MIB2: variants seen among roughly 807,000 people sequenced by gnomAD.
MIB2 encodes the protein MIB E3 ubiquitin protein ligase 2.
MIB2 carries 78 observed loss-of-function variants against 96.6 expected under a neutral mutation model. That is an observed-to-expected ratio of 0.81 (90% confidence interval 0.67 to 0.97). The LOEUF is 0.97. Among genes scored for constraint, MIB2 ranks in the 50% least tolerant of loss-of-function variants. The pLI is 0.00. For missense variants in MIB2, 1,543 were observed against 1,424.0 expected (o/e 1.08, Z -1.35); for synonymous variants, 820 against 629.5 (o/e 1.30, Z -4.53).
Position 1,627,429 on chromosome 1 carries a change from A to G in MIB2, c.1508A>G (p.His503Arg), listed in dbSNP as rs1383707916. 1.2e-6 allele frequency: 2 copies of G among 1,612,154 alleles called. No homozygotes were observed. The highest frequency in any genetic ancestry group is 4.5e-5 in the East Asian group (2 of 44,854). Residue 503 changes from histidine to arginine, a missense_variant, in exon 12 of 20, where the codon CAC becomes CGC. Transcript: ENST00000355826. ...LPDDEGNTAL[H>R]YAALGNQPEA... The stretch of plus-strand genomic sequence containing the variant: ...GACGACGAGGGCAACACGGCACTGC[A>G]CTACGCGGCCCTGGGGTGAGGCCTG...
In MIB2 at chr1:1,627,096, C is replaced by A; in HGVS notation, c.1263C>A (p.Asp421Glu). 6.2e-7 allele frequency: 1 copy of A among 1,600,344 alleles called. No individual in the cohort carries two copies. Among genetic ancestry groups the A allele is most frequent in the Non-Finnish European group, 8.5e-7 (1 of 1,173,878 alleles). The change falls in exon 11 of 20, where the codon GAC becomes GAA. Residue 421 changes from aspartate (D) to glutamate (E), a missense_variant. Coordinates refer to ENST00000355826, the MANE Select transcript of MIB2 (RefSeq NM_001170687.4). ...CAGGCTCACTGAGCGTGGCCCTGGACAAGCTTCGGGCCCAGAAGAGTGACC... is the reference window on the plus strand; with the variant it reads ...CAGGCTCACTGAGCGTGGCCCTGGAAAAGCTTCGGGCCCAGAAGAGTGACC... The part of the protein sequence containing the change: ...ENKSSLSVAL[D>E]KLRAQKSDPE...
chr1:1,623,331 G>A lies in MIB2; in HGVS notation c.-22-100G>A, dbSNP rs545410210. The A allele has an allele frequency of 2.5e-5, 38 of 1,504,836 alleles. No homozygotes were observed. In the East Asian group the frequency reaches 5.6e-4, roughly 22 times the overall value. The allele number at this position is 1,504,836 out of a possible 1,614,324, so 93.2% of individuals were successfully genotyped here. A position where few individuals can be genotyped will look rare whatever the true frequency, so the allele number is the denominator to read the frequency against. On this transcript the variant is annotated intron_variant, in intron 2 of 19. Coordinates refer to ENST00000355826, the MANE Select transcript of MIB2 (RefSeq NM_001170687.4). ...CCGTTGGGCCTCTCTGCTCTCCCGC[G>A]GAGCCCACTCTGACCGGGAGTGTCC...
chr1:1,627,653 CCCACTT>C lies in MIB2; in HGVS notation c.1524-17_1524-12del. ...CCACCGGGCCCGGCGCCCTCCCTCTCCCACTTCCTCTCCTGTCAGGAACCAGCCCGA... is the reference window on the plus strand; with the variant it reads ...CCACCGGGCCCGGCGCCCTCCCTCTCCCTCTCCTGTCAGGAACCAGCCCGA... On this transcript the variant is annotated splice_polypyrimidine_tract_variant and intron_variant, in intron 12 of 19. Coordinates refer to ENST00000355826, the MANE Select transcript of MIB2 (RefSeq NM_001170687.4). 1 of 1,586,590 alleles carries C rather than the reference CCCACTT, an allele frequency of 6.3e-7. No homozygotes were observed. The highest frequency in any genetic ancestry group is 8.5e-7 in the Non-Finnish European group (1 of 1,174,634).
chr1:1,615,405 C>G, upstream of MIB2: 2 of 1,457,492 alleles, frequency 1.4e-6, no homozygotes, highest in South Asian at 2.8e-5. Flanking sequence ...CAGACGCTCC[C>G]GCGTGACGCA....
chr1:1,616,382 C>T lies in MIB2; in HGVS notation c.-129-126C>T. On this transcript the variant is annotated intron_variant, in intron 1 of 19. Coordinates refer to ENST00000355826, the MANE Select transcript of MIB2 (RefSeq NM_001170687.4). ...GGGAGCCCATCCGGGCAGGCGGCGG[C>T]CCTGAGTGTCGCGGCCGTGGGCCCG... is the stretch of plus-strand genomic sequence containing the variant. 3 of 699,626 alleles carry T rather than the reference C, an allele frequency of 4.3e-6. No homozygotes were observed. The South Asian group carries it at 6.5e-5, about 15-fold the overall frequency. 43.3% of individuals were successfully genotyped at this position (699,626 alleles called of 1,614,324 possible).
chr1:1,616,403 G>A (rs1643684318), intron 1 of MIB2, 105 bp from the exon 2 acceptor site: 5 of 819,122 alleles, frequency 6.1e-6, no homozygotes, highest in Admixed American at 3.8e-5. Context: ...GCGGCCGTGG[G>A]CCCGAGTGGA....
At position 1,623,699 on chromosome 1, in the gene MIB2, GGT is replaced by G; in HGVS notation, c.247+2_247+3del. 6.6e-7 allele frequency: 1 copy of G among 1,516,282 alleles called. No homozygotes were observed. The highest frequency in any genetic ancestry group is 8.9e-7 in the Non-Finnish European group (1 of 1,129,796). 93.9% of individuals were successfully genotyped at this position (1,516,282 alleles called of 1,614,324 possible). A position where few individuals can be genotyped will look rare whatever the true frequency, so the allele number is the denominator to read the frequency against. On this transcript the variant is annotated splice_donor_variant, in intron 3 of 19. Transcript: ENST00000355826. LOFTEE classifies it high-confidence loss of function. The stretch of plus-strand genomic sequence containing the variant: ...GCTGCTGTACGACAACGCCCAGATC[GGT>G]GCGCGCCAAGGGCAGGCGGGACGGG...
intron 2 of MIB2, chr1:1,618,213 C>G (rs28623434): frequency 0.62 from 93,735 of 152,260 alleles, 30,290 homozygotes; most frequent in Non-Finnish European, 0.72. Context: ...CAGCCTCTGG[C>G]CCAGAGCTCA....
chr1:1,615,148 G>A (rs1248004323), upstream of MIB2: 1 of 380,518 alleles, frequency 2.6e-6, no homozygotes, highest in African/African-American at 2.1e-5. Context: ...GCGGGAGGAC[G>A]GGCCCGGACT....
Position 1,630,552 on chromosome 1 carries a change from G to T in MIB2, c.*22G>T. On this transcript the variant is annotated 3_prime_UTR_variant, in exon 20 of 20. Transcript: ENST00000355826. ...GTGAGCCGCGCCGTCCGCCGCGCCCGAGCTGCCTTCGCGTGCCCCCGCCCT... is the reference window on the plus strand; with the variant it reads ...GTGAGCCGCGCCGTCCGCCGCGCCCTAGCTGCCTTCGCGTGCCCCCGCCCT... 2 of 1,529,296 alleles carry T rather than the reference G, an allele frequency of 1.3e-6. No homozygotes were observed. Among genetic ancestry groups the T allele is most frequent in the South Asian group, 2.4e-5 (2 of 82,280 alleles). The allele number at this position is 1,529,296 out of a possible 1,614,324, so 94.7% of individuals were successfully genotyped here. A position where few individuals can be genotyped will look rare whatever the true frequency, so the allele number is the denominator to read the frequency against.
upstream of MIB2, chr1:1,613,891 C>G (rs973081919): frequency 1.3e-5 from 2 of 152,080 alleles, no homozygotes; most frequent in African/African-American, 4.8e-5. Flanking sequence ...AGGAAGTGAT[C>G]GGTCTAGGTC....
intron 2 of MIB2, among the ~76,000 whole-genome samples, chr1:1,621,829 C>G (rs956761510): frequency 6.6e-6 from 1 of 152,250 alleles, no homozygotes; most frequent in Non-Finnish European, 1.5e-5. Context: ...CCCAGCCCTG[C>G]AGGCAGAGCC....
In MIB2 at chr1:1,623,794, A is replaced by G; in HGVS notation, c.268A>G (p.Ile90Val). The change falls in exon 4 of 20, where the codon ATC becomes GTC. Residue 90 changes from isoleucine to valine, a missense_variant. By Grantham distance (29) the Ile-to-Val change is conservative. Transcript: ENST00000355826. ...CCCAGGCGTCCGGCACCCCAACATC[A>G]TCTGTGACTGCTGCAAGAAGCACGG... ...AQIGVRHPNI[I>V]CDCCKKHGLR... 6.2e-7 allele frequency: 1 copy of G among 1,606,640 alleles called. No individual in the cohort carries two copies. The highest frequency in any genetic ancestry group is 2.2e-5 in the East Asian group (1 of 44,462).
chr1:1,626,633 C>T lies in MIB2; in HGVS notation c.973-17C>T, dbSNP rs1479171783. On this transcript the variant is annotated splice_polypyrimidine_tract_variant and intron_variant, in intron 8 of 19. Coordinates refer to ENST00000355826, the MANE Select transcript of MIB2 (RefSeq NM_001170687.4). This position sits in a 1 kb window ranked among gnomAD's most constrained non-coding sequence, Gnocchi z 5.3. ...CACACAGCTGGGGGGCCCCTCACGC[C>T]CCTCTTTGTCGCTCAGCACCACTCC... 6.5e-7 allele frequency: 1 copy of T among 1,534,700 alleles called. No individual in the cohort carries two copies. The highest frequency in any genetic ancestry group is 8.8e-7 in the Non-Finnish European group (1 of 1,142,596).
At chr1:1,630,156 C>T (rs1638569662) in intron 19 of MIB2, 136 bp from the exon 20 acceptor site, 1 of 445,364 alleles carries the variant, frequency 2.2e-6, no homozygotes, top group South Asian at 2.4e-5. Context: ...CCAAATCACC[C>T]ACCCCGCCAG....
chr1:1,626,584 C>A lies in MIB2; in HGVS notation c.973-66C>A. The A allele has an allele frequency of 7.3e-7, 1 of 1,366,996 alleles. No homozygotes were observed. Among genetic ancestry groups the A allele is most frequent in the Non-Finnish European group, 9.8e-7 (1 of 1,020,900 alleles). 84.7% of individuals were successfully genotyped at this position (1,366,996 alleles called of 1,614,324 possible). On this transcript the variant is annotated intron_variant, in intron 8 of 19. Coordinates refer to ENST00000355826, the MANE Select transcript of MIB2 (RefSeq NM_001170687.4). The surrounding 1 kb of genome is among the most constrained non-coding windows in gnomAD (Gnocchi z 5.3). ...TCGTGGAGCTCAGCAGGTTGCCCTC[C>A]TGTTGCATGAGCCTGGGCAGCCACA...
In MIB2 at chr1:1,625,605, G is replaced by A. The variant is rs962659271; in HGVS notation, c.924G>A (p.Gln308=). 1.9e-6 allele frequency: 3 copies of A among 1,580,032 alleles called. No homozygotes were observed. Among genetic ancestry groups the A allele is most frequent in the Non-Finnish European group, 2.6e-6 (3 of 1,163,600 alleles). The change falls in exon 8 of 20, where the codon CAG becomes CAA. Residue 308 remains glutamine, a synonymous_variant. Transcript: ENST00000355826. The surrounding 1 kb of genome is among the most constrained non-coding windows in gnomAD (Gnocchi z 5.0). ...RITDRGDVRV[Q]FNHETRWTFH... ...CGGACCGCGGGGACGTGCGCGTGCAGTTCAACCACGAGACGCGCTGGACCT... is the reference window on the plus strand; with the variant it reads ...CGGACCGCGGGGACGTGCGCGTGCAATTCAACCACGAGACGCGCTGGACCT...
intron 5 of MIB2, 39 bp from the exon 6 acceptor site, chr1:1,624,952 G>T: frequency 6.2e-7 from 1 of 1,607,028 alleles, no homozygotes; most frequent in Non-Finnish European, 8.5e-7. Flanking sequence ...GCTGGCTCAT[G>T]GCTCAGCCTT....
At chr1:1,618,685 CA>C (rs1643967043) in intron 2 of MIB2, 1 of 152,388 alleles carries the variant, frequency 6.6e-6, no homozygotes, top group Non-Finnish European at 1.5e-5. Context: ...CTTTTGTCCA[CA>C]AGCTTCCCTC....
Sources: allele counts gnomAD v4.1 joint callset (sites outside exome capture counted in the v4.1 genomes callset), GRCh38; gene constraint gnomAD v4.1.1; non-coding constraint Gnocchi (gnomAD v3.1); transcripts MANE v1.5; gene names NCBI Gene and HGNC (gene_info 2026-07-23, HGNC 2026-07-21).